Variants in CYFIP2 observed in about 807,000 individuals in gnomAD.
CYFIP2 encodes the protein cytoplasmic FMR1-interacting protein 2.
CYFIP2 carries 29 observed loss-of-function variants against 158.7 expected under a neutral mutation model. The ratio of observed to expected loss-of-function variants is 0.18; its 90% CI spans 0.14 to 0.25. The LOEUF (loss-of-function observed/expected upper bound fraction) is 0.25, where lower values mean the gene tolerates loss of function less well. CYFIP2 is among the 10% of genes least tolerant of loss of function. CYFIP2 has a pLI of 1.00. For synonymous variants in CYFIP2, 585 were observed against 617.6 expected (o/e 0.95, Z 0.78); for missense variants, 852 against 1,639.5 (o/e 0.52, Z 8.29).
In CYFIP2 at chr5:157,287,125, C is replaced by A. The variant is rs373637240; in HGVS notation, c.207+17C>A. On this transcript the variant is annotated intron_variant, in intron 3 of 30. Transcript: ENST00000620254. Reference sequence around the variant, plus strand: ...TCCAGCATGGTAAGTCTCTGTGACCCACGTGTGCAGACATGCTCCCTGCTG... The same window carrying A: ...TCCAGCATGGTAAGTCTCTGTGACCAACGTGTGCAGACATGCTCCCTGCTG... The A allele has an allele frequency of 3.0e-5, 48 of 1,608,688 alleles. 1 individual carries two copies. Among genetic ancestry groups the A allele is most frequent in the Admixed American group, 1.8e-4 (11 of 59,934 alleles).
intron 4 of CYFIP2, 128 bp downstream of exon 4, chr5:157,294,988 AAGGAAGAACCTGGAAGACATTC>A: frequency 1.6e-6 from 1 of 628,962 alleles, no homozygotes. Flanking sequence ...CCTCTTATCC[AAGGAAGAACCTGGAAGACATTC>A]AGAGAGCTTC....
chr5:157,351,859 C>G (rs1475295208), intron 23 of CYFIP2, among the ~76,000 whole-genome samples: 1 of 152,220 alleles, frequency 6.6e-6, no homozygotes, highest in Non-Finnish European at 1.5e-5. Flanking sequence ...TTACAGAGAA[C>G]ATCTAACCAC....
intron 23 of CYFIP2, chr5:157,343,062 C>A: frequency 3.1e-6 from 5 of 1,614,224 alleles, no homozygotes; most frequent in Non-Finnish European, 4.2e-6. Flanking sequence ...GGCCATCTCA[C>A]CAACCCATTG....
At chr5:157,346,306 C>A (rs148609248) in intron 23 of CYFIP2, among the ~76,000 whole-genome samples, 2 of 152,098 alleles carry the variant, frequency 1.3e-5, no homozygotes, top group Non-Finnish European at 2.9e-5. Flanking sequence ...TAATGCCCCC[C>A]CAAAATACAT....
chr5:157,359,181 G>A (rs1763625192), intron 24 of CYFIP2, 33 bp downstream of exon 24: 3 of 1,609,516 alleles, frequency 1.9e-6, no homozygotes, highest in East Asian at 2.2e-5. Flanking sequence ...CTTGAGATAT[G>A]CCCATGTGGG....
chr5:157,292,527 G>A (rs1757909650), intron 3 of CYFIP2, among the ~76,000 whole-genome samples: 1 of 152,108 alleles, frequency 6.6e-6, no homozygotes, highest in African/African-American at 2.4e-5. Context: ...CCAGCATAAT[G>A]TTTTCAAAGT....
chr5:157,363,054 G>A (rs1243433294), intron 26 of CYFIP2: 3 of 152,358 alleles, frequency 2.0e-5, no homozygotes, highest in Non-Finnish European at 1.5e-5. Context: ...CTCCCTCTTA[G>A]GACCCCGCAG....
chr5:157,300,900 A>C lies in CYFIP2; in HGVS notation c.569+4A>C. ...ATGACCACTCTGCCTACAAGAGGTCAGGGCAACCTCCCCCTCTCCCCTTTC... is the reference window on the plus strand; with the variant it reads ...ATGACCACTCTGCCTACAAGAGGTCCGGGCAACCTCCCCCTCTCCCCTTTC... On this transcript the variant is annotated splice_donor_region_variant and intron_variant, in intron 6 of 30. Coordinates refer to ENST00000620254, the MANE Select transcript of CYFIP2 (RefSeq NM_001037333.3). 6.4e-7 allele frequency: 1 copy of C among 1,555,172 alleles called. No individual in the cohort carries two copies. The highest frequency in any genetic ancestry group is 1.2e-5 in the South Asian group (1 of 83,804).
rs1291782512 is a variant in CYFIP2, at chr5:157,304,441, T to TA, written c.795+81dup. The TA allele has an allele frequency of 4.0e-6, 6 of 1,495,200 alleles. No individual in the cohort carries two copies. In the Admixed American group the frequency reaches 1.1e-4, roughly 27 times the overall value. The allele number at this position is 1,495,200 out of a possible 1,614,324, so 92.6% of individuals were successfully genotyped here. On this transcript the variant is annotated intron_variant, in intron 8 of 30. Coordinates refer to ENST00000620254, the MANE Select transcript of CYFIP2 (RefSeq NM_001037333.3). ...CCTTCTTCTTATTAAAAATCCGTTT[T>TA]AAAAAACAATGTTTCTTTTTTCTTA...
At chr5:157,332,137 AG>A (rs144867732) in intron 20 of CYFIP2, among the ~76,000 whole-genome samples, 2,484 of 152,354 alleles carry the variant, frequency 0.016, 27 homozygotes, top group Non-Finnish European at 0.025. Flanking sequence ...GGATGTCAGC[AG>A]AAACACTTAT....
At chr5:157,287,390 G>C (rs913535866) in intron 3 of CYFIP2, among the ~76,000 whole-genome samples, 1 of 152,168 alleles carries the variant, frequency 6.6e-6, no homozygotes, top group Non-Finnish European at 1.5e-5. Context: ...AGCTTTTTGG[G>C]TTAACATGTG....
intron 1 of CYFIP2, among the ~76,000 whole-genome samples, chr5:157,281,756 C>A (rs1389487255): frequency 5.9e-5 from 9 of 152,146 alleles, no homozygotes; most frequent in Non-Finnish European, 1.0e-4. Flanking sequence ...TTTTCAAAGT[C>A]AAATCTACAA....
intron 3 of CYFIP2, among the ~76,000 whole-genome samples, chr5:157,292,447 G>A (rs1424658192): frequency 6.6e-6 from 1 of 152,046 alleles, no homozygotes; most frequent in Non-Finnish European, 1.5e-5. Flanking sequence ...TCGAACTCCC[G>A]ACCTCAGGTG....
chr5:157,296,021 C>G (rs1370121337), intron 4 of CYFIP2, among the ~76,000 whole-genome samples: 4 of 152,218 alleles, frequency 2.6e-5, no homozygotes. Flanking sequence ...CAGCTGGACC[C>G]CGCTAGAGTG....
intron 1 of CYFIP2, among the ~76,000 whole-genome samples, chr5:157,276,265 A>C (rs1208971366): frequency 6.6e-6 from 1 of 152,082 alleles, no homozygotes; most frequent in Non-Finnish European, 1.5e-5. Flanking sequence ...ATTAGCTAAG[A>C]GTTTTTTGTG....
chr5:157,284,844 AC>A lies in CYFIP2; in HGVS notation c.-23-492del, dbSNP rs562697028. The stretch of plus-strand genomic sequence containing the variant: ...TAATCCCAGTTTAATTAGCCTAAAA[AC>A]CCGGGCTCTGGTTTTCAGTTGATTA... On this transcript the variant is annotated intron_variant, in intron 1 of 30. Coordinates refer to ENST00000620254, the MANE Select transcript of CYFIP2 (RefSeq NM_001037333.3). 2.0e-4 allele frequency among the ~76,000 whole-genome samples: 30 copies of A among 152,156 alleles called. No homozygotes were observed. The South Asian group carries it at 6.2e-3, about 32-fold the overall frequency.
intron 26 of CYFIP2, among the ~76,000 whole-genome samples, chr5:157,371,678 A>AG (rs1765008796): frequency 6.6e-6 from 1 of 152,244 alleles, no homozygotes; most frequent in Admixed American, 6.5e-5. Flanking sequence ...GGAATCCCTC[A>AG]GTTTTAAAAC....
intron 26 of CYFIP2, among the ~76,000 whole-genome samples, chr5:157,369,883 T>G (rs1460192505): frequency 7.3e-6 from 1 of 137,476 alleles, no homozygotes; most frequent in Non-Finnish European, 1.6e-5. Context: ...GACCTAGTTT[T>G]TTTTTTTTTT....
chr5:157,381,686 G>T (rs1234767682), intron 26 of CYFIP2, among the ~76,000 whole-genome samples: 4 of 152,162 alleles, frequency 2.6e-5, no homozygotes, highest in African/African-American at 7.2e-5. Context: ...AGGAGTTGGG[G>T]CTCCCCTCTT....
Sources: allele counts gnomAD v4.1 joint callset (sites outside exome capture counted in the v4.1 genomes callset), GRCh38; gene constraint gnomAD v4.1.1; transcripts MANE v1.5; gene names NCBI Gene and HGNC (gene_info 2026-07-23, HGNC 2026-07-21).